Variants in GYS2 observed in about 807,000 individuals in gnomAD.
GYS2 encodes glycogen synthase 2, also known as glycogen [starch] synthase, liver.
GYS2 carries 80 observed loss-of-function variants against 85.6 expected under a neutral mutation model. The observed-to-expected ratio is 0.93, with a 90% CI of 0.78 to 1.13. The LOEUF is 1.13. GYS2 is among the 50% of genes most tolerant of loss of function. GYS2 has a pLI of 0.00. For missense variants in GYS2, 881 were observed against 854.9 expected (o/e 1.03, Z -0.38); for synonymous variants, 328 against 300.7 (o/e 1.09, Z -0.94).
intron 4 of GYS2, among the ~76,000 whole-genome samples, chr12:21,571,130 G>T (rs1944379824): frequency 6.6e-6 from 1 of 152,194 alleles, no homozygotes; most frequent in Admixed American, 6.5e-5. Context: ...CAAATACAGA[G>T]GCAGGATAGC....
At chr12:21,537,475 G>A in intron 15 of GYS2, 5 of 368,294 alleles carry the variant, frequency 1.4e-5, no homozygotes, top group East Asian at 1.3e-4. Context: ...GAAAATGGAG[G>A]GTTAGAGGGG....
rs1030009356 is a variant in GYS2, at chr12:21,540,458, G to C, written c.1761C>G (p.Asn587Lys). ...QSRRQRIIQR[N>K]RTERLSDLLD... ...GAAGATCTGAGAGCCTCTCAGTTCT[G>C]TTCCTCTGGATAATCCTTTGGCGGC... Residue 587 changes from asparagine (N) to lysine (K), a missense_variant, in exon 14 of 16, where the codon AAC becomes AAG. By Grantham distance (94) the Asn-to-Lys change is moderately conservative (BLOSUM62 0). Transcript: ENST00000261195. 1 of 1,613,904 alleles carries C rather than the reference G, an allele frequency of 6.2e-7. No homozygotes were observed. The highest frequency in any genetic ancestry group is 8.5e-7 in the Non-Finnish European group (1 of 1,179,942).
At chr12:21,585,457 G>T (rs1944561564) in intron 1 of GYS2, among the ~76,000 whole-genome samples, 1 of 151,618 alleles carries the variant, frequency 6.6e-6, no homozygotes, top group Non-Finnish European at 1.5e-5. Flanking sequence ...GATCCATTAG[G>T]GTGTCTCTTA....
At chr12:21,564,943 T>C (rs975577613) in intron 5 of GYS2, among the ~76,000 whole-genome samples, 2 of 152,158 alleles carry the variant, frequency 1.3e-5, no homozygotes, top group Admixed American at 1.3e-4. Context: ...CTCAGGAGTT[T>C]CCACCCTTTT....
chr12:21,594,407 C>G (rs11524514), intron 1 of GYS2, among the ~76,000 whole-genome samples: 7,705 of 152,224 alleles, frequency 0.051, 260 homozygotes, highest in Non-Finnish European at 0.07. Flanking sequence ...AGTAAAGTTA[C>G]AGGAGACAAA....
intron 4 of GYS2, among the ~76,000 whole-genome samples, chr12:21,573,126 G>A (rs891424237): frequency 1.1e-4 from 17 of 152,178 alleles, no homozygotes; most frequent in African/African-American, 4.1e-4. Flanking sequence ...ACCACTCATT[G>A]CTTTACAGAT....
At chr12:21,593,511 A>C (rs1312075838) in intron 1 of GYS2, among the ~76,000 whole-genome samples, 1 of 151,984 alleles carries the variant, frequency 6.6e-6, no homozygotes, top group East Asian at 1.9e-4. Flanking sequence ...AAACTGAAAA[A>C]TCTAGAGGAA....
At position 21,542,488 on chromosome 12, in the gene GYS2, A is replaced by G. The variant is rs757775017; in HGVS notation, c.1645+8T>C. 1.3e-6 allele frequency: 2 copies of G among 1,587,226 alleles called. No individual in the cohort carries two copies. The highest frequency in any genetic ancestry group is 1.7e-5 in the Admixed American group (1 of 59,946). ...TCCCCAGCATGGGTTAATGATGAAAACCCTCACCGTAAGCAGTAGGATCAG... is the reference window on the plus strand; with the variant it reads ...TCCCCAGCATGGGTTAATGATGAAAGCCCTCACCGTAAGCAGTAGGATCAG... On this transcript the variant is annotated splice_region_variant and intron_variant, in intron 13 of 15. Coordinates refer to ENST00000261195, the MANE Select transcript of GYS2 (RefSeq NM_021957.4).
At chr12:21,601,026 A>G (rs190472823) in intron 1 of GYS2, among the ~76,000 whole-genome samples, 20 of 152,244 alleles carry the variant, frequency 1.3e-4, no homozygotes, top group Admixed American at 5.2e-4. Context: ...AAGTCTTTAC[A>G]ATTCTTAAAT....
intron 1 of GYS2, among the ~76,000 whole-genome samples, chr12:21,599,114 A>C (rs545927974): frequency 1.3e-4 from 19 of 151,860 alleles, no homozygotes; most frequent in African/African-American, 3.6e-4. Flanking sequence ...CTCTCTCTCT[A>C]TATATATGTA....
At chr12:21,573,559 A>G (rs1241216643) in intron 4 of GYS2, among the ~76,000 whole-genome samples, 3 of 152,310 alleles carry the variant, frequency 2.0e-5, no homozygotes, top group Non-Finnish European at 4.4e-5. Context: ...ATGAGCAAAA[A>G]TAACTTCTTG....
chr12:21,579,836 A>C (rs945581220), intron 2 of GYS2, among the ~76,000 whole-genome samples: 7 of 152,092 alleles, frequency 4.6e-5, no homozygotes, highest in African/African-American at 1.4e-4. Flanking sequence ...CCTTCTCAAA[A>C]TCTTTAACTT....
At chr12:21,584,336 T>C (rs892198739) in intron 1 of GYS2, among the ~76,000 whole-genome samples, 2 of 151,158 alleles carry the variant, frequency 1.3e-5, no homozygotes, top group African/African-American at 4.8e-5. Flanking sequence ...ACCTCTATGA[T>C]TAGTCAAAAA....
At chr12:21,580,589 G>A in intron 1 of GYS2, 66 bp from the exon 2 acceptor site, 1 of 1,156,842 alleles carries the variant, frequency 8.6e-7, no homozygotes, top group Non-Finnish European at 1.3e-6. Context: ...AATAAGGGAT[G>A]GAAATGAGTT....
At chr12:21,567,906 C>G (rs1315811395) in intron 5 of GYS2, among the ~76,000 whole-genome samples, 4 of 152,014 alleles carry the variant, frequency 2.6e-5, no homozygotes, top group African/African-American at 7.2e-5. Context: ...AACCCCGTCT[C>G]TACTAAAAAT....
intron 8 of GYS2, 54 bp downstream of exon 8, chr12:21,560,332 A>G (rs944896813): frequency 2.0e-6 from 2 of 986,574 alleles, no homozygotes; most frequent in African/African-American, 1.6e-5. Context: ...CATTCACTTA[A>G]AAGAAATCTT....
chr12:21,538,423 T>A (rs1044270098), intron 15 of GYS2, among the ~76,000 whole-genome samples: 2 of 151,894 alleles, frequency 1.3e-5, no homozygotes, highest in African/African-American at 4.8e-5. Context: ...GGCGCCAGAG[T>A]TTTTGGGAAT....
intron 1 of GYS2, among the ~76,000 whole-genome samples, chr12:21,589,643 C>T (rs1258102303): frequency 6.6e-6 from 1 of 152,114 alleles, no homozygotes; most frequent in African/African-American, 2.4e-5. Flanking sequence ...GCCAGAGAGG[C>T]TCCCCAGTGC....
chr12:21,537,447 G>C, intron 15 of GYS2: 1 of 427,504 alleles, frequency 2.3e-6, no homozygotes, highest in Non-Finnish European at 4.3e-6. Flanking sequence ...TGATAAATAT[G>C]TTTTTTTCAG....
Sources: allele counts gnomAD v4.1 joint callset (sites outside exome capture counted in the v4.1 genomes callset), GRCh38; gene constraint gnomAD v4.1.1; transcripts MANE v1.5; gene names NCBI Gene and HGNC (gene_info 2026-07-23, HGNC 2026-07-21).